FAM135B: variants seen among roughly 807,000 people sequenced by gnomAD.
FAM135B encodes family with sequence similarity 135 member B.
FAM135B carries 43 observed loss-of-function variants against 127.7 expected under a neutral mutation model. The ratio of observed to expected loss-of-function variants is 0.34; its 90% CI spans 0.26 to 0.43. The LOEUF (loss-of-function observed/expected upper bound fraction) is 0.43. FAM135B is among the 20% of genes least tolerant of loss of function. The probability of loss-of-function intolerance (pLI) is 1.00; values close to 1 mark genes in which losing one functional copy is unlikely to be tolerated. For missense variants in FAM135B, 1,558 were observed against 1,725.6 expected (o/e 0.90, Z 1.72); for synonymous variants, 670 against 665.1 (o/e 1.01, Z -0.11).
intron 7 of FAM135B, among the ~76,000 whole-genome samples, chr8:138,228,442 G>T (rs1347571049): frequency 6.6e-6 from 1 of 152,010 alleles, no homozygotes; most frequent in Non-Finnish European, 1.5e-5. Context: ...CCATATTCAA[G>T]GTTGTTTACC....
chr8:138,373,059 G>A (rs1370119332), intron 1 of FAM135B, among the ~76,000 whole-genome samples: 1 of 152,130 alleles, frequency 6.6e-6, no homozygotes, highest in African/African-American at 2.4e-5. Flanking sequence ...TTTGATTGAT[G>A]AGGAAAAAAA....
intron 16 of FAM135B, among the ~76,000 whole-genome samples, chr8:138,142,281 GCTT>G (rs1413047760): frequency 4.3e-4 from 48 of 112,264 alleles, no homozygotes; most frequent in South Asian, 6.1e-4. Context: ...AACTCATTCT[GCTT>G]CTTCTTTTTT....
At chr8:138,417,356 C>G (rs1175915199) in intron 1 of FAM135B, among the ~76,000 whole-genome samples, 1 of 152,202 alleles carries the variant, frequency 6.6e-6, no homozygotes, top group African/African-American at 2.4e-5. Flanking sequence ...CTGCCTAAAG[C>G]TGGAGGGCTT....
At chr8:138,178,491 T>C in intron 10 of FAM135B, 44 bp downstream of exon 10, 1 of 1,606,576 alleles carries the variant, frequency 6.2e-7, no homozygotes. Context: ...TCCAAAGAAA[T>C]CAAATGCATG....
intron 1 of FAM135B, among the ~76,000 whole-genome samples, chr8:138,377,700 C>T (rs528536902): frequency 1.5e-4 from 23 of 152,348 alleles, no homozygotes; most frequent in Non-Finnish European, 3.1e-4. Context: ...CCAGAGCACA[C>T]ATGACCTAGC....
At chr8:138,364,683 T>C (rs1212160717) in intron 2 of FAM135B, among the ~76,000 whole-genome samples, 1 of 152,272 alleles carries the variant, frequency 6.6e-6, no homozygotes, top group Admixed American at 6.5e-5. Context: ...TTCTTGAGTA[T>C]AAAACCCCAA....
At chr8:138,224,371 T>C (rs925834353) in intron 7 of FAM135B, among the ~76,000 whole-genome samples, 11 of 152,162 alleles carry the variant, frequency 7.2e-5, no homozygotes, top group Non-Finnish European at 1.2e-4. Context: ...AACTCATGCA[T>C]GCACACATGC....
At chr8:138,281,690 C>A (rs933202537) in intron 3 of FAM135B, among the ~76,000 whole-genome samples, 4 of 152,134 alleles carry the variant, frequency 2.6e-5, no homozygotes, top group African/African-American at 9.7e-5. Context: ...GGGTCACCTC[C>A]CTGTAAATTG....
At chr8:138,177,209 G>A in intron 11 of FAM135B, 138 bp downstream of exon 11, 1 of 776,384 alleles carries the variant, frequency 1.3e-6, no homozygotes, top group African/African-American at 1.7e-5. Flanking sequence ...TTTGCCTGCA[G>A]AGGAAATGCA....
chr8:138,197,224 GC>G (rs1279866379), intron 8 of FAM135B, among the ~76,000 whole-genome samples: 4 of 152,056 alleles, frequency 2.6e-5, no homozygotes, highest in Non-Finnish European at 4.4e-5. Context: ...CCTCTAGAAA[GC>G]AACCTAAAAT....
intron 9 of FAM135B, among the ~76,000 whole-genome samples, chr8:138,184,287 T>C (rs1354137665): frequency 6.6e-6 from 1 of 152,210 alleles, no homozygotes; most frequent in Non-Finnish European, 1.5e-5. Context: ...GCATCACATG[T>C]CCTTGGCTTT....
upstream of FAM135B, among the ~76,000 whole-genome samples, chr8:138,497,433 C>T (rs748377794): frequency 2.0e-5 from 3 of 151,548 alleles, no homozygotes; most frequent in African/African-American, 4.8e-5. Flanking sequence ...CCGGCGCGAG[C>T]ATGCTCAGTC....
chr8:138,340,085 G>A (rs1022145030), intron 2 of FAM135B, among the ~76,000 whole-genome samples: 10 of 152,266 alleles, frequency 6.6e-5, no homozygotes, highest in South Asian at 2.1e-4. Context: ...AGTCCTTCCC[G>A]AAGCACACGA....
intron 2 of FAM135B, among the ~76,000 whole-genome samples, chr8:138,343,551 G>A (rs950983349): frequency 2.0e-5 from 3 of 152,140 alleles, no homozygotes; most frequent in Admixed American, 1.3e-4. Context: ...CAGCCAACAC[G>A]GTAAAATGAA....
At position 138,226,136 on chromosome 8, in the gene FAM135B, T is replaced by G. The variant is rs564813905; in HGVS notation, c.669+16806A>C. On this transcript the variant is annotated intron_variant, in intron 7 of 19. Coordinates refer to ENST00000395297, the MANE Select transcript of FAM135B (RefSeq NM_015912.4). Reference sequence around the variant, plus strand: ...CTTGAAGTTCTAAAAAAATACAATTTTCTGGGGACCCACCGTGTGTGTGTG... The same window carrying G: ...CTTGAAGTTCTAAAAAAATACAATTGTCTGGGGACCCACCGTGTGTGTGTG... 7.3e-4 allele frequency among the ~76,000 whole-genome samples: 108 copies of G among 147,384 alleles called. 1 individual carries two copies. The highest frequency in any genetic ancestry group is 2.6e-3 in the African/African-American group (104 of 39,556).
intron 7 of FAM135B, among the ~76,000 whole-genome samples, chr8:138,216,532 T>A (rs547197277): frequency 5.3e-5 from 8 of 152,274 alleles, no homozygotes; most frequent in African/African-American, 9.6e-5. Flanking sequence ...GTAATGCCTG[T>A]CTGAGCCAGG....
chr8:138,455,445 AAAT>A (rs1836720840), intron 1 of FAM135B, among the ~76,000 whole-genome samples: 1 of 152,230 alleles, frequency 6.6e-6, no homozygotes, highest in Non-Finnish European at 1.5e-5. Flanking sequence ...AATATAGATG[AAAT>A]AATAATAAAC....
At chr8:138,360,529 G>A (rs942760135) in intron 2 of FAM135B, among the ~76,000 whole-genome samples, 23 of 152,156 alleles carry the variant, frequency 1.5e-4, no homozygotes, top group African/African-American at 4.3e-4. Context: ...AGGAGGCTTC[G>A]CAATCTGGTT....
intron 2 of FAM135B, among the ~76,000 whole-genome samples, chr8:138,346,882 G>A (rs1218541739): frequency 6.6e-6 from 1 of 152,140 alleles, no homozygotes; most frequent in South Asian, 2.1e-4. Flanking sequence ...TGAAGGCCTG[G>A]CAGGTAGCAA....
Sources: allele counts gnomAD v4.1 joint callset (sites outside exome capture counted in the v4.1 genomes callset), GRCh38; gene constraint gnomAD v4.1.1; transcripts MANE v1.5; gene names NCBI Gene and HGNC (gene_info 2026-07-23, HGNC 2026-07-21).